The following FLT4 variants were observed in gnomAD, a reference collection of about 807,000 sequenced individuals.
The protein encoded by FLT4 is vascular endothelial growth factor receptor 3.
A neutral mutation model predicts 163.2 loss-of-function variants in FLT4; 30 were observed. That is an observed-to-expected ratio of 0.18 (90% CI 0.14 to 0.25). FLT4 has a LOEUF of 0.25. Ranked by LOEUF, FLT4 falls within the 10% of genes least tolerant of loss-of-function variation. The pLI is 1.00. For synonymous variants in FLT4, 884 were observed against 789.5 expected (o/e 1.12, Z -2.01); for missense variants, 1,510 against 1,863.8 (o/e 0.81, Z 3.50).
At chr5:180,629,513 C>A in intron 6 of FLT4, 86 bp from the exon 7 acceptor site, 1 of 1,539,048 alleles carries the variant, frequency 6.5e-7, no homozygotes, top group Non-Finnish European at 8.9e-7. Flanking sequence ...GCCCAGCCAG[C>A]GGTGGCTCCG....
intron 29 of FLT4, chr5:180,608,347 C>G: frequency 1.4e-6 from 1 of 700,548 alleles, no homozygotes; most frequent in Non-Finnish European, 2.6e-6. Flanking sequence ...ATCACTTGAA[C>G]GACTCACCCT....
chr5:180,629,885 C>T lies in FLT4; in HGVS notation c.677-50G>A, dbSNP rs1229169567. 1.9e-6 allele frequency: 3 copies of T among 1,612,566 alleles called. No homozygotes were observed. In the African/African-American group the frequency reaches 4.0e-5, roughly 22 times the overall value. Reference sequence around the variant, plus strand: ...CCACGCCCTCACAGGACGACACCCACTGAGGCCAGTGAGGCAGTGACAGCC... The same window carrying T: ...CCACGCCCTCACAGGACGACACCCATTGAGGCCAGTGAGGCAGTGACAGCC... On this transcript the variant is annotated intron_variant, in intron 5 of 29. Coordinates refer to ENST00000261937, the MANE Select transcript of FLT4 (RefSeq NM_182925.5).
intron 10 of FLT4, 81 bp downstream of exon 10, chr5:180,625,788 G>A: frequency 1.5e-6 from 2 of 1,314,734 alleles, no homozygotes; most frequent in Non-Finnish European, 1.1e-6. Context: ...GGGCAGTGAG[G>A]GGTGCTGTAA....
Position 180,622,825 on chromosome 5 carries a change from C to G in FLT4, c.1563G>C (p.Leu521=), listed in dbSNP as rs1763259012. ...CAGACACGTTGGCATTCTGGATCAC[C>G]AGCTTGCTCACAGTCTGGGAGAGCA... The part of the protein sequence containing the change: ...VEGKNKTVSK[L]VIQNANVSAM... The change falls in exon 12 of 30, where the codon CTG becomes CTC. Residue 521 remains leucine, a synonymous_variant. Coordinates refer to ENST00000261937, the MANE Select transcript of FLT4 (RefSeq NM_182925.5). The G allele has an allele frequency of 6.2e-7, 1 of 1,612,964 alleles. No homozygotes were observed. The highest frequency in any genetic ancestry group is 8.5e-7 in the Non-Finnish European group (1 of 1,179,338).
intron 10 of FLT4, 134 bp downstream of exon 10, chr5:180,625,735 C>A: frequency 1.2e-6 from 1 of 835,004 alleles, no homozygotes; most frequent in Admixed American, 2.0e-5. Flanking sequence ...AGGTAGGGTT[C>A]AAGTTCAGAG....
chr5:180,609,618 G>T, intron 28 of FLT4: 1 of 437,030 alleles, frequency 2.3e-6, no homozygotes, highest in Non-Finnish European at 4.3e-6. Context: ...CCAGGCCCGG[G>T]ACCCCCGAAC....
rs144864064 is a variant in FLT4 at position 180,630,754 on chromosome 5, C to T, written c.201G>A (p.Ala67=). The change falls in exon 3 of 30, where the codon GCG becomes GCA. Residue 67 remains alanine (A), a synonymous_variant. Coordinates refer to ENST00000261937, the MANE Select transcript of FLT4 (RefSeq NM_182925.5). This position sits in a 1 kb window ranked among gnomAD's most constrained non-coding sequence, Gnocchi z 6.3. The stretch of plus-strand genomic sequence containing the variant: ...CGCTGTCCTTGTCTCCGGTGGCTGG[C>T]GCCTCCTGAGCTCCTGGCCAAGCCC... ...LEWAWPGAQE[A]PATGDKDSED... is the part of the protein sequence containing the mutation. 2.2e-5 allele frequency: 35 copies of T among 1,608,982 alleles called. No individual in the cohort carries two copies. The highest frequency in any genetic ancestry group is 5.3e-5 in the African/African-American group (4 of 75,014).
Position 180,601,916 on chromosome 5 carries a change from G to T in FLT4, c.*1276C>A, listed in dbSNP as rs969378908. ...AAGCGTCTGGTGCGTGGGTTTGGGG[G>T]GTCAGGGTGGTGGTCAGTCTCCGTG... On this transcript the variant is annotated 3_prime_UTR_variant, in exon 30 of 30. Transcript: ENST00000261937. The T allele has an allele frequency of 1.8e-4, 43 of 233,556 alleles. No homozygotes were observed. Among genetic ancestry groups the T allele is most frequent in the Admixed American group, 3.4e-4 (6 of 17,786 alleles). The allele number at this position is 233,556 out of a possible 1,614,324, so 14.5% of individuals were successfully genotyped here. A position where few individuals can be genotyped will look rare whatever the true frequency, so the allele number is the denominator to read the frequency against.
intron 18 of FLT4, 54 bp downstream of exon 18, chr5:180,619,611 C>G (rs775426937): frequency 3.4e-5 from 49 of 1,426,092 alleles, no homozygotes; most frequent in Non-Finnish European, 4.9e-5. Flanking sequence ...CGGCCCACCC[C>G]GAGCTGCTGC....
intron 18 of FLT4, 109 bp downstream of exon 18, chr5:180,619,556 G>C: frequency 1.9e-6 from 2 of 1,050,186 alleles, no homozygotes; most frequent in Non-Finnish European, 3.0e-6. Context: ...TCTCGGATGA[G>C]ACTGGCTTCC....
intron 8 of FLT4, 90 bp from the exon 9 acceptor site, chr5:180,626,355 G>A (rs1763612336): frequency 6.9e-7 from 1 of 1,456,046 alleles, no homozygotes; most frequent in African/African-American, 1.4e-5. Context: ...CAGTTGGGAG[G>A]AGGGAGGGGC....
intron 10 of FLT4, 112 bp from the exon 11 acceptor site, chr5:180,624,173 T>A: frequency 7.9e-7 from 1 of 1,268,354 alleles, no homozygotes; most frequent in Non-Finnish European, 1.1e-6. Context: ...TATGGGGTCG[T>A]GGGCGAGGCT....
chr5:180,620,133 G>A lies in FLT4; in HGVS notation c.2542+40C>T. On this transcript the variant is annotated intron_variant, in intron 17 of 29. Coordinates refer to ENST00000261937, the MANE Select transcript of FLT4 (RefSeq NM_182925.5). This position sits in a 1 kb window ranked among gnomAD's most constrained non-coding sequence, Gnocchi z 4.4. ...ACTCCGGCCTGCAGCAGGTGGGTCG[G>A]GCAGGAGGTGTGGGTTGGGCAGGCT... 2 of 1,590,342 alleles carry A rather than the reference G, an allele frequency of 1.3e-6. No homozygotes were observed. Among genetic ancestry groups the A allele is most frequent in the South Asian group, 1.1e-5 (1 of 90,338 alleles).
chr5:180,613,987 T>C, intron 24 of FLT4, 81 bp downstream of exon 24: 1 of 988,782 alleles, frequency 1.0e-6, no homozygotes, highest in Non-Finnish European at 1.6e-6. Flanking sequence ...GCCCAGTCCC[T>C]TACTCCAGCA....
At chr5:180,611,816 C>T (rs1021422017) in intron 26 of FLT4, 4 of 408,814 alleles carry the variant, frequency 9.8e-6, no homozygotes, top group South Asian at 7.6e-5. Context: ...GTGCCAGCCT[C>T]GCTAAGTTCT....
chr5:180,648,970 C>T (rs1424713139), intron 1 of FLT4, among the ~76,000 whole-genome samples: 1 of 152,174 alleles, frequency 6.6e-6, no homozygotes, highest in Non-Finnish European at 1.5e-5. Context: ...TCCCCGCCGT[C>T]GCCGGCCACG....
intron 22 of FLT4, among the ~76,000 whole-genome samples, 160 bp from the exon 23 acceptor site, chr5:180,616,649 C>G (rs140245458): frequency 9.8e-4 from 149 of 152,316 alleles, no homozygotes; most frequent in Non-Finnish European, 1.8e-3. Context: ...CAGGACTCAT[C>G]ATGGAGAGAG....
At position 180,602,989 on chromosome 5, in the gene FLT4, C is replaced by T; in HGVS notation, c.*203G>A. The T allele has an allele frequency of 4.8e-6, 3 of 619,474 alleles. No individual in the cohort carries two copies. The highest frequency in any genetic ancestry group is 4.3e-4 in the Middle Eastern group (1 of 2,328). The allele number at this position is 619,474 out of a possible 1,614,324, so 38.4% of individuals were successfully genotyped here. A position where few individuals can be genotyped will look rare whatever the true frequency, so the allele number is the denominator to read the frequency against. On this transcript the variant is annotated 3_prime_UTR_variant, in exon 30 of 30. Transcript: ENST00000261937. The stretch of plus-strand genomic sequence containing the variant: ...AGGGGCCGGGGCAGCTGGAGCGTGG[C>T]CCTGGCCAGTCGTGGTGACGGAATT...
chr5:180,642,165 C>A (rs1246780680), intron 1 of FLT4, among the ~76,000 whole-genome samples: 2 of 151,514 alleles, frequency 1.3e-5, no homozygotes, highest in Admixed American at 1.3e-4. Context: ...CGAGATCGCG[C>A]CACTGCACTC....
Sources: gnomAD v4.1 joint callset for allele counts (sites outside exome capture counted in the v4.1 genomes callset) on GRCh38, gnomAD v4.1.1 for gene constraint, Gnocchi (gnomAD v3.1) non-coding constraint, MANE v1.5 for transcripts, NCBI Gene and HGNC (gene_info 2026-07-23, HGNC 2026-07-21) for gene names.